TMEM134: variants seen among roughly 807,000 people sequenced by gnomAD.
The protein encoded by TMEM134 is transmembrane protein 134.
In TMEM134, 36 loss-of-function variants were observed where a neutral mutation model predicts 26.2. The observed-to-expected ratio is 1.37, with a 90% CI of 1.05 to 1.81. The LOEUF (loss-of-function observed/expected upper bound fraction) is 1.81, where lower values mean the gene tolerates loss of function less well. Among genes scored for constraint, TMEM134 ranks in the 40% most tolerant of loss-of-function variants. The pLI is 0.00. For synonymous variants in TMEM134, 133 were observed against 113.6 expected (o/e 1.17, Z -1.08); for missense variants, 339 against 263.5 (o/e 1.29, Z -1.98).
intron 2 of TMEM134, chr11:67,467,821 G>A (rs1865368921): frequency 1.5e-6 from 1 of 655,648 alleles, no homozygotes; most frequent in African/African-American, 1.8e-5. Context: ...CCAGACTGGG[G>A]GTTTCTGAAA....
chr11:67,466,848 A>G (rs760949831), intron 4 of TMEM134: 12 of 184,590 alleles, frequency 6.5e-5, no homozygotes, highest in Non-Finnish European at 1.3e-4. Flanking sequence ...CTTAGATGCC[A>G]GACAAGGGGA....
At chr11:67,466,455 G>C (rs1257110592) in intron 4 of TMEM134, 1 of 152,496 alleles carries the variant, frequency 6.6e-6, no homozygotes, top group African/African-American at 2.4e-5. Context: ...CCCCAGGCTT[G>C]CCTTGCTGGG....
chr11:67,468,976 C>T (rs943252641), intron 1 of TMEM134, 43 bp downstream of exon 1: 1 of 1,428,692 alleles, frequency 7.0e-7, no homozygotes, highest in Non-Finnish European at 9.2e-7. Flanking sequence ...CCTGGGGTCC[C>T]GTCCGGCCGG....
chr11:67,469,194 G>A lies in TMEM134; in HGVS notation c.-2C>T, dbSNP rs1469566931. On this transcript the variant is annotated 5_prime_UTR_variant, in exon 1 of 7. Transcript: ENST00000308022. The stretch of plus-strand genomic sequence containing the variant: ...GAACTGGGGCCGGGCGGCGCTCATG[G>A]CCCCGGCCCGCTCAGGCGCCGTGCG... 7.7e-7 allele frequency: 1 copy of A among 1,297,200 alleles called. No individual in the cohort carries two copies. The allele number at this position is 1,297,200 out of a possible 1,614,324, so 80.4% of individuals were successfully genotyped here.
At position 67,464,395 on chromosome 11, in the gene TMEM134, C is replaced by A. The variant is rs1025554354; in HGVS notation, c.*219G>T. 1.2e-5 allele frequency: 7 copies of A among 605,294 alleles called. No individual in the cohort carries two copies. The highest frequency in any genetic ancestry group is 2.1e-5 in the Non-Finnish European group (7 of 338,972). 37.5% of individuals were successfully genotyped at this position (605,294 alleles called of 1,614,324 possible). A position where few individuals can be genotyped will look rare whatever the true frequency, so the allele number is the denominator to read the frequency against. On this transcript the variant is annotated 3_prime_UTR_variant, in exon 7 of 7. Transcript: ENST00000308022. Reference sequence around the variant, plus strand: ...CTCTTTTATTAGCACAAAATAACAGCAACCTAGCAGCCGCACGGCCCGAGA... The same window carrying A: ...CTCTTTTATTAGCACAAAATAACAGAAACCTAGCAGCCGCACGGCCCGAGA...
In TMEM134 at chr11:67,464,556, A is replaced by G; in HGVS notation, c.*58T>C. 1 of 1,514,170 alleles carries G rather than the reference A, an allele frequency of 6.6e-7. No individual in the cohort carries two copies. Among genetic ancestry groups the G allele is most frequent in the African/African-American group, 1.4e-5 (1 of 72,314 alleles). The allele number at this position is 1,514,170 out of a possible 1,614,324, so 93.8% of individuals were successfully genotyped here. A position where few individuals can be genotyped will look rare whatever the true frequency, so the allele number is the denominator to read the frequency against. On this transcript the variant is annotated 3_prime_UTR_variant, in exon 7 of 7. Coordinates refer to ENST00000308022, the MANE Select transcript of TMEM134 (RefSeq NM_025124.4). The stretch of plus-strand genomic sequence containing the variant: ...GGCCTCTTCCCTTGAGATGAGGGGA[A>G]CGGAACAGGGCAAGAGGGGCGCCCC...
At chr11:67,467,673 ATGGTGCAGGGAC>A (rs1865359858) in intron 2 of TMEM134, 83 bp from the exon 3 acceptor site, 7 of 1,371,254 alleles carry the variant, frequency 5.1e-6, no homozygotes, top group Non-Finnish European at 7.2e-6. Context: ...AGTGCAGGGC[ATGGTGCAGGGAC>A]TGGGGCTGGC....
chr11:67,464,693 T>C lies in TMEM134; in HGVS notation c.509A>G (p.Tyr170Cys), dbSNP rs375306355. ...CGCGCAGTAGATGAAGATCACGTGA[T>C]AGACTGCGGGGCGGGGCCTGTCAGC... The part of the protein sequence containing the change: ...PGFLLLVPGV[Y>C]HVIFIYCAVK... Residue 170 changes from tyrosine to cysteine, a missense_variant, in exon 7 of 7, where the codon TAT (tyrosine) becomes TGT (cysteine). Tyr to Cys is a radical substitution (Grantham distance 194). Transcript: ENST00000308022. 1.3e-6 allele frequency: 2 copies of C among 1,552,650 alleles called. No individual in the cohort carries two copies. The highest frequency in any genetic ancestry group is 1.2e-5 in the South Asian group (1 of 84,290).
intron 4 of TMEM134, 176 bp from the exon 5 acceptor site, chr11:67,465,276 T>C (rs981018616): frequency 6.4e-5 from 92 of 1,442,368 alleles, no homozygotes; most frequent in Admixed American, 2.2e-4. Flanking sequence ...CCCTGGGAAG[T>C]GTGTGAAAGG....
intron 1 of TMEM134, 125 bp from the exon 2 acceptor site, chr11:67,468,217 C>G: frequency 1.2e-6 from 1 of 831,222 alleles, no homozygotes; most frequent in Non-Finnish European, 2.0e-6. Flanking sequence ...TCACCTGGCC[C>G]TCTGCCCTCC....
rs536544835 is a variant in TMEM134 at position 67,469,186 on chromosome 11, C to T, written c.7G>A (p.Ala3Thr). The change falls in exon 1 of 7, where the codon GCC becomes ACC. Residue 3 changes from alanine to threonine, a missense_variant. Physicochemically the swap from Ala to Thr is moderately conservative, Grantham distance 58 (BLOSUM62 0). Transcript: ENST00000308022. MS[A>T]ARPQFSIDDA... The stretch of plus-strand genomic sequence containing the variant: ...TCAATGCTGAACTGGGGCCGGGCGG[C>T]GCTCATGGCCCCGGCCCGCTCAGGC... 3 of 1,338,528 alleles carry T rather than the reference C, an allele frequency of 2.2e-6. No individual in the cohort carries two copies. Among genetic ancestry groups the T allele is most frequent in the Non-Finnish European group, 2.9e-6 (3 of 1,036,728 alleles). 82.9% of individuals were successfully genotyped at this position (1,338,528 alleles called of 1,614,324 possible). A position where few individuals can be genotyped will look rare whatever the true frequency, so the allele number is the denominator to read the frequency against.
chr11:67,465,098 G>C lies in TMEM134; in HGVS notation c.409C>G (p.Leu137Val). 8.2e-6 allele frequency: 13 copies of C among 1,585,930 alleles called. No individual in the cohort carries two copies. The highest frequency in any genetic ancestry group is 1.3e-5 in the African/African-American group (1 of 74,420). The change falls in exon 5 of 7, where the codon CTG becomes GTG. Residue 137 changes from leucine (L) to valine (V), a missense_variant and splice_region_variant. Coordinates refer to ENST00000308022, the MANE Select transcript of TMEM134 (RefSeq NM_025124.4). ...TCCAGTCCCACGCCGACCAGGATCA[G>C]CACTGCACACAGACGGAGCCGCGGG... The part of the protein sequence containing the change: ...SFLLLLLGLV[L>V]ILVGVGLEAT...
In TMEM134 at chr11:67,463,851, G is replaced by A. The variant is rs2135203895; in HGVS notation, c.*763C>T. 6.6e-6 allele frequency: 1 copy of A among 152,436 alleles called. No homozygotes were observed. Among genetic ancestry groups the A allele is most frequent in the South Asian group, 2.1e-4 (1 of 4,856 alleles). 9.4% of individuals were successfully genotyped at this position (152,436 alleles called of 1,614,324 possible). Reference sequence around the variant, plus strand: ...TAACGTTCTGCATTTCTAAGTCTTTGACCACTGAGGGTGTCTGTCAGGCGC... The same window carrying A: ...TAACGTTCTGCATTTCTAAGTCTTTAACCACTGAGGGTGTCTGTCAGGCGC... On this transcript the variant is annotated 3_prime_UTR_variant, in exon 7 of 7. Transcript: ENST00000308022.
chr11:67,464,848 T>G lies in TMEM134; in HGVS notation c.460A>C (p.Ser154Arg), dbSNP rs971124768. Residue 154 changes from serine to arginine, a missense_variant, in exon 6 of 7, where the codon AGC becomes CGC. Ser to Arg is a moderately radical substitution (Grantham distance 110). Coordinates refer to ENST00000308022, the MANE Select transcript of TMEM134 (RefSeq NM_025124.4). ...AAGCCCGGCACGAAGAAGATGGCGCTGGAGACACCTGCGGGAGGGACCAGA... is the reference window on the plus strand; with the variant it reads ...AAGCCCGGCACGAAGAAGATGGCGCGGGAGACACCTGCGGGAGGGACCAGA... ...LEATPSPGVS[S>R]AIFFVPGFLL... is the part of the protein sequence containing the mutation. 6.2e-7 allele frequency: 1 copy of G among 1,610,254 alleles called. No individual in the cohort carries two copies. Among genetic ancestry groups the G allele is most frequent in the African/African-American group, 1.3e-5 (1 of 74,816 alleles).
Position 67,463,439 on chromosome 11 carries a change from C to T in TMEM134, c.*1175G>A, listed in dbSNP as rs934299244. 1 of 152,312 alleles carries T rather than the reference C, an allele frequency of 6.6e-6. No individual in the cohort carries two copies. The highest frequency in any genetic ancestry group is 1.5e-5 in the Non-Finnish European group (1 of 68,108). The allele number at this position is 152,312 out of a possible 1,614,324, so 9.4% of individuals were successfully genotyped here. On this transcript the variant is annotated 3_prime_UTR_variant, in exon 7 of 7. Transcript: ENST00000308022. The stretch of plus-strand genomic sequence containing the variant: ...GCTACGTTCCTAATTCTACCTACCA[C>T]CTGCTGGCTGTCCTTGGGTGAGTCA...
Position 67,468,065 on chromosome 11 carries a change from G to C in TMEM134, c.202C>G (p.Gln68Glu). 1 of 1,564,336 alleles carries C rather than the reference G, an allele frequency of 6.4e-7. No individual in the cohort carries two copies. The highest frequency in any genetic ancestry group is 8.7e-7 in the Non-Finnish European group (1 of 1,154,004). The change falls in exon 2 of 7, where the codon CAG becomes GAG. Residue 68 changes from glutamine (Q) to glutamate (E), a missense_variant. By Grantham distance (29) the Gln-to-Glu change is conservative. Transcript: ENST00000308022. Reference sequence around the variant, plus strand: ...CCCCCATCCGGCTCCGGAGAGGCCTGGGCTCCATCCTCATCGTTCTCCAGG... The same window carrying C: ...CCCCCATCCGGCTCCGGAGAGGCCTCGGCTCCATCCTCATCGTTCTCCAGG... ...QNLENDEDGA[Q>E]ASPEPDGGVG...
Position 67,464,512 on chromosome 11 carries a change from G to A in TMEM134, c.*102C>T. The A allele has an allele frequency of 2.4e-6, 3 of 1,249,914 alleles. No homozygotes were observed. The highest frequency in any genetic ancestry group is 3.4e-6 in the Non-Finnish European group (3 of 877,606). 77.4% of individuals were successfully genotyped at this position (1,249,914 alleles called of 1,614,324 possible). On this transcript the variant is annotated 3_prime_UTR_variant, in exon 7 of 7. Coordinates refer to ENST00000308022, the MANE Select transcript of TMEM134 (RefSeq NM_025124.4). ...CCTGAGCAAACTCCCTAGGGGCTGG[G>A]GTTTCGAGGGTCCTGGAGGGCCTCT...
chr11:67,462,658 A>C lies in TMEM134; in HGVS notation c.*1956T>G, dbSNP rs1219934718. 1 of 147,800 alleles carries C rather than the reference A, an allele frequency of 6.8e-6. No homozygotes were observed. The highest frequency in any genetic ancestry group is 1.5e-5 in the Non-Finnish European group (1 of 66,758). 9.2% of individuals were successfully genotyped at this position (147,800 alleles called of 1,614,324 possible). On this transcript the variant is annotated 3_prime_UTR_variant, in exon 7 of 7. Transcript: ENST00000308022. ...ATGAGCCACCACGCCCAGCCTCTGT[A>C]TGTTTTTTATTTCATTTTTCTAGTT...
At position 67,468,873 on chromosome 11, in the gene TMEM134, A is replaced by C. The variant is rs958919275; in HGVS notation, c.174+146T>G. The C allele has an allele frequency of 4.8e-5, 42 of 882,664 alleles. No homozygotes were observed. The African/African-American group carries it at 6.9e-4, about 14-fold the overall frequency. 54.7% of individuals were successfully genotyped at this position (882,664 alleles called of 1,614,324 possible). ...GAGGGCCTGGGCAGGGCTCTGGATC[A>C]AGAGTCACGTCCGCGGGGCGGGGGG... On this transcript the variant is annotated intron_variant, in intron 1 of 6. Coordinates refer to ENST00000308022, the MANE Select transcript of TMEM134 (RefSeq NM_025124.4).
Sources: gnomAD v4.1 joint callset for allele counts on GRCh38, gnomAD v4.1.1 for gene constraint, MANE v1.5 for transcripts, NCBI Gene and HGNC (gene_info 2026-07-23, HGNC 2026-07-21) for gene names.